Variants in GIGYF2 observed in about 807,000 individuals in gnomAD.
GIGYF2 encodes GRB10 interacting GYF protein 2.
In GIGYF2, 25 loss-of-function variants were observed where a neutral mutation model predicts 208.1. The observed-to-expected ratio is 0.12, with a 90% CI of 0.09 to 0.17. The LOEUF is 0.17. Ranked by LOEUF, GIGYF2 falls within the 10% of genes least tolerant of loss-of-function variation. GIGYF2 has a pLI of 1.00. For missense variants in GIGYF2, 1,302 were observed against 1,579.4 expected, an observed-to-expected ratio of 0.82 and a Z score of 2.98; for synonymous variants, 534 against 543.8, an observed-to-expected ratio of 0.98 and a Z score of 0.25.
At chr2:232,740,828 ATAT>A (rs1380974710) in intron 3 of GIGYF2, among the ~76,000 whole-genome samples, 1 of 152,210 alleles carries the variant, frequency 6.6e-6, no homozygotes, top group Admixed American at 6.5e-5. Context: ...AGATGTGTTA[ATAT>A]TTCCAGTTTT....
chr2:232,769,640 C>T (rs895013860), intron 8 of GIGYF2, among the ~76,000 whole-genome samples: 1 of 151,910 alleles, frequency 6.6e-6, no homozygotes, highest in Non-Finnish European at 1.5e-5. Flanking sequence ...GTGCACCTTT[C>T]AGGTCTATCT....
At chr2:232,804,741 C>T (rs1700508522) in intron 14 of GIGYF2, among the ~76,000 whole-genome samples, 1 of 152,172 alleles carries the variant, frequency 6.6e-6, no homozygotes, top group Non-Finnish European at 1.5e-5. Flanking sequence ...GATCTACCCA[C>T]CTTGGCCTCC....
In GIGYF2 at chr2:232,720,583, A is replaced by ATATATTTT. The variant is rs376956632; in HGVS notation, c.-43-14571_-43-14570insATATTTTT. ...CAGTGTAATATATATATATATATATATTTTTGTTTGTTTGTTTGTTTGTTT... is the reference window on the plus strand; with the variant it reads ...CAGTGTAATATATATATATATATATATATATTTTTTTTTGTTTGTTTGTTTGTTTGTTT... On this transcript the variant is annotated intron_variant, in intron 2 of 28. Coordinates refer to ENST00000373563, the MANE Select transcript of GIGYF2 (RefSeq NM_001103146.3). Among the ~76,000 whole-genome samples, 121 of 144,986 alleles carry ATATATTTT rather than the reference A, an allele frequency of 8.3e-4. 1 individual carries two copies. Among genetic ancestry groups the ATATATTTT allele is most frequent in the Middle Eastern group, 3.5e-3 (1 of 282 alleles).
Position 232,771,110 on chromosome 2 carries a change from G to C in GIGYF2, c.532+9674G>C, listed in dbSNP as rs1699226723. 1 of 1,614,076 alleles carries C rather than the reference G, an allele frequency of 6.2e-7. No individual in the cohort carries two copies. Among genetic ancestry groups the C allele is most frequent in the Non-Finnish European group, 8.5e-7 (1 of 1,180,008 alleles). On this transcript the variant is annotated intron_variant, in intron 8 of 28. Coordinates refer to ENST00000373563, the MANE Select transcript of GIGYF2 (RefSeq NM_001103146.3). ...GGTGGGGCATCATGATCTAGTTCCA[G>C]ATCACCATTCATCTCAGCCAGAACA... is the stretch of plus-strand genomic sequence containing the variant.
intron 8 of GIGYF2, among the ~76,000 whole-genome samples, chr2:232,784,043 A>T (rs777977980): frequency 1.3e-5 from 2 of 152,160 alleles, no homozygotes; most frequent in Admixed American, 6.5e-5. Context: ...TACCAGTAAC[A>T]ATTACATACA....
At chr2:232,743,909 ATC>A (rs1269239494) in intron 3 of GIGYF2, among the ~76,000 whole-genome samples, 10 of 152,238 alleles carry the variant, frequency 6.6e-5, no homozygotes, top group African/African-American at 2.4e-4. Context: ...CAGTGTTGCG[ATC>A]ATGGCTCACT....
chr2:232,741,322 C>A (rs1011722294), intron 3 of GIGYF2, among the ~76,000 whole-genome samples: 1 of 152,166 alleles, frequency 6.6e-6, no homozygotes, highest in Non-Finnish European at 1.5e-5. Flanking sequence ...TCTACAGTAT[C>A]TCTGGAATCT....
intron 22 of GIGYF2, among the ~76,000 whole-genome samples, chr2:232,836,298 AT>A (rs1559160457): frequency 0.01 from 207 of 20,562 alleles, 51 homozygotes; most frequent in African/African-American, 0.028. Context: ...ATATATATAT[AT>A]ATATATATAT....
At position 232,747,618 on chromosome 2, in the gene GIGYF2, C is replaced by A. The variant is rs373021019; in HGVS notation, c.45C>A (p.Leu15=). The change falls in exon 4 of 29, where the codon CTC becomes CTA. Residue 15 remains leucine, a synonymous_variant. Transcript: ENST00000373563. ...TTCTCTGTCTTTTCTATTCTAGGCT[C>A]CGAGCTCTGTCCAGTGGTGGGAGTA... ...TQTLNFGPEW[L]RALSSGGSIT... is the part of the protein sequence containing the mutation. 2 of 1,614,016 alleles carry A rather than the reference C, an allele frequency of 1.2e-6. No individual in the cohort carries two copies. Among genetic ancestry groups the A allele is most frequent in the Non-Finnish European group, 8.5e-7 (1 of 1,179,928 alleles).
chr2:232,707,636 G>GA (rs1696181526), intron 2 of GIGYF2, among the ~76,000 whole-genome samples: 1 of 137,142 alleles, frequency 7.3e-6, no homozygotes, highest in Non-Finnish European at 1.6e-5. Flanking sequence ...CTACCATTGG[G>GA]ATTTTTTTTT....
chr2:232,833,659 G>A (rs527328049), intron 22 of GIGYF2, among the ~76,000 whole-genome samples: 13 of 152,324 alleles, frequency 8.5e-5, no homozygotes, highest in Middle Eastern at 3.4e-3. Flanking sequence ...ACACTGGAGT[G>A]CCTATTCCAT....
At chr2:232,832,689 A>C (rs1218241582) in intron 21 of GIGYF2, among the ~76,000 whole-genome samples, 168 bp from the exon 22 acceptor site, 1 of 152,156 alleles carries the variant, frequency 6.6e-6, no homozygotes, top group African/African-American at 2.4e-5. Context: ...TGGCTACTAT[A>C]AATATATTTT....
At chr2:232,822,479 G>A (rs1574924706) in intron 21 of GIGYF2, among the ~76,000 whole-genome samples, 1 of 152,216 alleles carries the variant, frequency 6.6e-6, no homozygotes, top group Non-Finnish European at 1.5e-5. Flanking sequence ...TCAGGAGTTC[G>A]AGACCAGCCT....
At chr2:232,831,776 G>T (rs550212725) in intron 21 of GIGYF2, among the ~76,000 whole-genome samples, 4 of 152,254 alleles carry the variant, frequency 2.6e-5, no homozygotes, top group African/African-American at 9.6e-5. Flanking sequence ...AAGAGTTTTG[G>T]ATATCACAGT....
At chr2:232,770,629 A>G (rs1273874650) in intron 8 of GIGYF2, among the ~76,000 whole-genome samples, 1 of 151,736 alleles carries the variant, frequency 6.6e-6, no homozygotes, top group Non-Finnish European at 1.5e-5. Flanking sequence ...TTGATATGGG[A>G]TATTTCTGCA....
chr2:232,789,480 CTG>C (rs1456438219), intron 9 of GIGYF2, among the ~76,000 whole-genome samples: 4 of 152,282 alleles, frequency 2.6e-5, no homozygotes, highest in African/African-American at 4.8e-5. Flanking sequence ...CGTAAGCAGT[CTG>C]AGTATAAAAT....
At chr2:232,836,314 A>T (rs1267104054) in intron 22 of GIGYF2, among the ~76,000 whole-genome samples, 415 of 23,834 alleles carry the variant, frequency 0.017, 27 homozygotes, top group Admixed American at 0.049. Flanking sequence ...ATATATATAT[A>T]TATATATATA....
Position 232,857,261 on chromosome 2 carries a change from A to AT in GIGYF2, c.*402dup. ...GTTTTTTCTTCTTCTTTTTCCCCCC[A>AT]TCAGGGCAAATGGTCTAACTGGTGC... On this transcript the variant is annotated 3_prime_UTR_variant, in exon 29 of 29. Coordinates refer to ENST00000373563, the MANE Select transcript of GIGYF2 (RefSeq NM_001103146.3). 1 of 312,330 alleles carries AT rather than the reference A, an allele frequency of 3.2e-6. No individual in the cohort carries two copies. Among genetic ancestry groups the AT allele is most frequent in the Non-Finnish European group, 6.2e-6 (1 of 162,212 alleles). The allele number at this position is 312,330 out of a possible 1,614,324, so 19.3% of individuals were successfully genotyped here.
In GIGYF2 at chr2:232,806,703, C is replaced by T. The variant is rs796218331; in HGVS notation, c.1806+46C>T. On this transcript the variant is annotated intron_variant, in intron 15 of 28. Transcript: ENST00000373563. This position sits in a 1 kb window ranked among gnomAD's most constrained non-coding sequence, Gnocchi z 4.0. The stretch of plus-strand genomic sequence containing the variant: ...CTGGAATACATATTAGTCACGGAAA[C>T]ACTTGATTCTCTTTGAAAACACAAC... 8 of 1,317,712 alleles carry T rather than the reference C, an allele frequency of 6.1e-6. No homozygotes were observed. In the African/African-American group the frequency reaches 1.2e-4, roughly 19 times the overall value. The allele number at this position is 1,317,712 out of a possible 1,614,324, so 81.6% of individuals were successfully genotyped here.
Sources: allele counts gnomAD v4.1 joint callset (sites outside exome capture counted in the v4.1 genomes callset), GRCh38; gene constraint gnomAD v4.1.1; non-coding constraint Gnocchi (gnomAD v3.1); transcripts MANE v1.5; gene names NCBI Gene and HGNC (gene_info 2026-07-23, HGNC 2026-07-21).